PCDHGB4: variants seen among roughly 807,000 people sequenced by gnomAD.
PCDHGB4 encodes the protein protocadherin gamma subfamily B, 4.
PCDHGB4 carries 38 observed loss-of-function variants against 60.5 expected under a neutral mutation model. The observed-to-expected ratio is 0.63, with a 90% CI of 0.48 to 0.82. PCDHGB4 has a LOEUF of 0.82. Ranked by LOEUF, PCDHGB4 falls within the 40% of genes least tolerant of loss-of-function variation. The pLI, the probability that PCDHGB4 is intolerant of heterozygous loss-of-function variation, is 0.00. For missense variants in PCDHGB4, 1,109 were observed against 1,209.6 expected (o/e 0.92, Z 1.23); for synonymous variants, 456 against 509.7 (o/e 0.89, Z 1.42).
rs574905149 is a variant in PCDHGB4 at position 141,400,501 on chromosome 5, G to C, written c.2397+10220G>C. 1 of 1,613,878 alleles carries C rather than the reference G, an allele frequency of 6.2e-7. No homozygotes were observed. The highest frequency in any genetic ancestry group is 1.7e-5 in the Admixed American group (1 of 60,012). On this transcript the variant is annotated intron_variant, in intron 1 of 3. Transcript: ENST00000519479. ...CTTATTTCCACTTTGTAATTCCAGC[G>C]AGTCGACTTCCCATCCTGAGTTGGT...
intron 1 of PCDHGB4, chr5:141,427,070 G>A (rs929936578): frequency 3.1e-5 from 14 of 457,822 alleles, no homozygotes; most frequent in Non-Finnish European, 6.2e-5. Context: ...TACTAAAGGT[G>A]ACAGCCACTG....
Position 141,486,740 on chromosome 5 carries a change from T to G in PCDHGB4, c.2398-8067T>G. Reference sequence around the variant, plus strand: ...AGGAGCTGTTCATGCTACTCGATCCTTTGACTATGAGCAAACCCAGACACT... The same window carrying G: ...AGGAGCTGTTCATGCTACTCGATCCGTTGACTATGAGCAAACCCAGACACT... On this transcript the variant is annotated intron_variant, in intron 1 of 3. Transcript: ENST00000519479. This position sits in a 1 kb window ranked among gnomAD's most constrained non-coding sequence, Gnocchi z 5.0. 6.2e-7 allele frequency: 1 copy of G among 1,614,234 alleles called. No individual in the cohort carries two copies. The highest frequency in any genetic ancestry group is 8.5e-7 in the Non-Finnish European group (1 of 1,180,046).
chr5:141,442,414 ACTT>A (rs1258523193), intron 1 of PCDHGB4: 2 of 152,190 alleles, frequency 1.3e-5, no homozygotes, highest in Non-Finnish European at 2.9e-5. Flanking sequence ...GGCTGAGTGA[ACTT>A]CTTTTTTGAA....
At chr5:141,473,810 G>A (rs549204595) in intron 1 of PCDHGB4, among the ~76,000 whole-genome samples, 1 of 152,334 alleles carries the variant, frequency 6.6e-6, no homozygotes, top group South Asian at 2.1e-4. Flanking sequence ...CTGAGGAGCA[G>A]CTGGACAATT....
At chr5:141,478,584 T>G in intron 1 of PCDHGB4, 1 of 1,577,982 alleles carries the variant, frequency 6.3e-7, no homozygotes, top group Non-Finnish European at 8.6e-7. Flanking sequence ...CTGTTAGTGC[T>G]TTTTTATTCC....
intron 1 of PCDHGB4, among the ~76,000 whole-genome samples, chr5:141,407,122 G>A (rs987492570): frequency 3.9e-5 from 6 of 152,094 alleles, no homozygotes; most frequent in African/African-American, 1.4e-4. Context: ...GGTTTCAGTT[G>A]CTTTATTTTT....
chr5:141,390,448 A>AGT, intron 1 of PCDHGB4, 167 bp downstream of exon 1: 1 of 845,308 alleles, frequency 1.2e-6, no homozygotes, highest in South Asian at 1.8e-5. Context: ...ACAAAGGAGG[A>AGT]GTAAAGTAGG....
In PCDHGB4 at chr5:141,431,913, T is replaced by C; in HGVS notation, c.2397+41632T>C. The C allele has an allele frequency of 6.2e-7, 1 of 1,614,140 alleles. No individual in the cohort carries two copies. Among genetic ancestry groups the C allele is most frequent in the Admixed American group, 1.7e-5 (1 of 60,034 alleles). On this transcript the variant is annotated intron_variant, in intron 1 of 3. Transcript: ENST00000519479. This position sits in a 1 kb window ranked among gnomAD's most constrained non-coding sequence, Gnocchi z 4.8. The stretch of plus-strand genomic sequence containing the variant: ...GAGGAAAACGGACAGGTGATCTGTT[T>C]CATCCAAGGAAATCTGCCCTTTAAA...
intron 1 of PCDHGB4, chr5:141,405,415 G>GT (rs757320616): frequency 1.9e-6 from 3 of 1,559,568 alleles, no homozygotes; most frequent in South Asian, 2.3e-5. Context: ...TTCTTTTTTT[G>GT]TTTTTTGTTT....
intron 1 of PCDHGB4, chr5:141,413,487 G>A (rs1190400492): frequency 1.9e-6 from 3 of 1,613,928 alleles, no homozygotes; most frequent in African/African-American, 2.7e-5. Context: ...CTCAGAGCGC[G>A]CGGTGCGTGG....
At position 141,431,303 on chromosome 5, in the gene PCDHGB4, G is replaced by T. The variant is rs777784010; in HGVS notation, c.2397+41022G>T. The T allele has an allele frequency of 1.2e-6, 2 of 1,614,060 alleles. No homozygotes were observed. Among genetic ancestry groups the T allele is most frequent in the Non-Finnish European group, 1.7e-6 (2 of 1,180,038 alleles). On this transcript the variant is annotated intron_variant, in intron 1 of 3. Coordinates refer to ENST00000519479, the MANE Select transcript of PCDHGB4 (RefSeq NM_003736.4). The surrounding 1 kb of genome is among the most constrained non-coding windows in gnomAD (Gnocchi z 4.8). ...CCCGAACACTCACTTCTCCCTCATC[G>T]TGCAAAATGGAGCCGACGGTAGTAA...
intron 2 of PCDHGB4, among the ~76,000 whole-genome samples, chr5:141,500,259 A>G (rs1595658540): frequency 6.6e-6 from 1 of 151,044 alleles, no homozygotes; most frequent in East Asian, 2.0e-4. Context: ...CCCAGGCTGG[A>G]CTGCAGTGGC....
chr5:141,413,400 G>A (rs1328176117), intron 1 of PCDHGB4: 4 of 1,614,060 alleles, frequency 2.5e-6, no homozygotes, highest in Non-Finnish European at 2.5e-6. Context: ...CCAGAGGTAG[G>A]ACGCAGCTTT....
chr5:141,489,597 A>T lies in PCDHGB4; in HGVS notation c.2398-5210A>T. The T allele has an allele frequency of 6.2e-7, 1 of 1,614,100 alleles. No individual in the cohort carries two copies. Among genetic ancestry groups the T allele is most frequent in the African/African-American group, 1.3e-5 (1 of 75,040 alleles). ...AACACCCCCTGGAGCTAATCCGTGT[A>T]GAGGTAGAGATCCTGGATCTCAATG... On this transcript the variant is annotated intron_variant, in intron 1 of 3. Transcript: ENST00000519479. The surrounding 1 kb of genome is among the most constrained non-coding windows in gnomAD (Gnocchi z 4.5).
chr5:141,471,017 A>G (rs989277146), intron 1 of PCDHGB4, among the ~76,000 whole-genome samples: 3 of 143,850 alleles, frequency 2.1e-5, no homozygotes, highest in African/African-American at 7.8e-5. Context: ...GTGCCTGGTC[A>G]ATCATTTTTA....
intron 1 of PCDHGB4, chr5:141,419,981 AT>A (rs1205154474): frequency 1.2e-6 from 2 of 1,614,052 alleles, no homozygotes; most frequent in Admixed American, 3.3e-5. Flanking sequence ...CCTCGCGGTG[AT>A]TCTAGCTATT....
rs754537015 is a variant in PCDHGB4 at position 141,431,184 on chromosome 5, T to C, written c.2397+40903T>C. The C allele has an allele frequency of 2.5e-6, 4 of 1,614,090 alleles. No individual in the cohort carries two copies. In the South Asian group the frequency reaches 3.3e-5, roughly 13 times the overall value. ...CGTGAAAGTGAATTAGAAATAAAAATTAGTGAAAATGCAGCCACTGAGATG... is the reference window on the plus strand; with the variant it reads ...CGTGAAAGTGAATTAGAAATAAAAACTAGTGAAAATGCAGCCACTGAGATG... On this transcript the variant is annotated intron_variant, in intron 1 of 3. Coordinates refer to ENST00000519479, the MANE Select transcript of PCDHGB4 (RefSeq NM_003736.4). This position sits in a 1 kb window ranked among gnomAD's most constrained non-coding sequence, Gnocchi z 4.8.
Position 141,431,789 on chromosome 5 carries a change from G to A in PCDHGB4, c.2397+41508G>A, listed in dbSNP as rs760507500. On this transcript the variant is annotated intron_variant, in intron 1 of 3. Coordinates refer to ENST00000519479, the MANE Select transcript of PCDHGB4 (RefSeq NM_003736.4). This position sits in a 1 kb window ranked among gnomAD's most constrained non-coding sequence, Gnocchi z 4.8. ...CACTGTTCTGGACGTGAACGACAATGCCCCAGAAGTGGTCCTCACCTCTCT... is the reference window on the plus strand; with the variant it reads ...CACTGTTCTGGACGTGAACGACAATACCCCAGAAGTGGTCCTCACCTCTCT... 7.4e-6 allele frequency: 12 copies of A among 1,614,096 alleles called. No homozygotes were observed. The highest frequency in any genetic ancestry group is 5.9e-6 in the Non-Finnish European group (7 of 1,180,042).
In PCDHGB4 at chr5:141,393,936, G is replaced by A. The variant is rs766829273; in HGVS notation, c.2397+3655G>A. On this transcript the variant is annotated intron_variant, in intron 1 of 3. Transcript: ENST00000519479. ...TGCCTTCTTGAGTGTGCATGACCAA[G>A]ACTCTGGAAAGAATGGTCAAGTTGT... 3 of 1,613,922 alleles carry A rather than the reference G, an allele frequency of 1.9e-6. No homozygotes were observed. In the Admixed American group the frequency reaches 5.0e-5, roughly 27 times the overall value.
Sources: gnomAD v4.1 joint callset for allele counts (sites outside exome capture counted in the v4.1 genomes callset) on GRCh38, gnomAD v4.1.1 for gene constraint, Gnocchi (gnomAD v3.1) non-coding constraint, MANE v1.5 for transcripts, NCBI Gene and HGNC (gene_info 2026-07-23, HGNC 2026-07-21) for gene names.